Variants in HIGD1C observed in about 807,000 individuals in gnomAD.
The protein encoded by HIGD1C is HIG1 hypoxia inducible domain family member 1C, also known as HIG1 domain family member 1C.
Under a neutral mutation model 13.1 loss-of-function variants are expected in HIGD1C, and 11 were observed. The observed-to-expected ratio is 0.84, with a 90% CI of 0.53 to 1.39. The LOEUF is 1.39. Ranked by LOEUF, HIGD1C falls within the 40% of genes most tolerant of loss-of-function variation. The probability of loss-of-function intolerance (pLI) is 0.00; values close to 1 mark genes in which losing one functional copy is unlikely to be tolerated. For synonymous variants in HIGD1C, 36 were observed against 37.7 expected (o/e 0.95, Z 0.17); for missense variants, 110 against 112.0 (o/e 0.98, Z 0.08).
the HIGD1C span, among the ~76,000 whole-genome samples, chr12:50,945,040 ATCATGCTAAAAAC>A: frequency 7.2e-5 from 11 of 152,160 alleles, no homozygotes; most frequent in African/African-American, 2.7e-4. Context: ...TCAACAGCCC[ATCATGCTAAAAAC>A]TCTCAAACTA....
At chr12:50,948,316 A>G in the HIGD1C span, among the ~76,000 whole-genome samples, 1 of 152,054 alleles carries the variant, frequency 6.6e-6, no homozygotes, top group Non-Finnish European at 1.5e-5. Context: ...AATTTCACTC[A>G]TAATACAAGA....
chr12:50,969,595 A>G (rs1395298019), intron 2 of HIGD1C, among the ~76,000 whole-genome samples: 6 of 150,478 alleles, frequency 4.0e-5, no homozygotes, highest in Non-Finnish European at 8.9e-5. Flanking sequence ...GCTACTTGGG[A>G]GGCTGAGGCA....
At chr12:50,940,743 A>T in the HIGD1C span, among the ~76,000 whole-genome samples, 2 of 151,188 alleles carry the variant, frequency 1.3e-5, no homozygotes, top group Non-Finnish European at 1.5e-5. Context: ...AAAAGACTGC[A>T]ATATTAAAAT....
At chr12:50,945,293 C>T in the HIGD1C span, among the ~76,000 whole-genome samples, 29 of 152,134 alleles carry the variant, frequency 1.9e-4, no homozygotes, top group Non-Finnish European at 1.9e-4. Context: ...GAAGTCAAAT[C>T]GTCCCTGTTT....
intron 2 of HIGD1C, among the ~76,000 whole-genome samples, chr12:50,968,102 A>AAGG (rs35382142): frequency 1.0e-3 from 148 of 147,352 alleles, no homozygotes; most frequent in African/African-American, 1.1e-3. Flanking sequence ...TAAGAAGAAG[A>AAGG]AGGAGGAGGA....
chr12:50,947,035 A>T, the HIGD1C span, among the ~76,000 whole-genome samples: 2 of 152,146 alleles, frequency 1.3e-5, no homozygotes, highest in Non-Finnish European at 2.9e-5. Flanking sequence ...CCATTCTCTC[A>T]TGGGTCTTTC....
At chr12:50,968,543 T>C (rs369120592) in intron 2 of HIGD1C, among the ~76,000 whole-genome samples, 1 of 151,730 alleles carries the variant, frequency 6.6e-6, no homozygotes, top group Admixed American at 6.6e-5. Context: ...TGTGCCACCA[T>C]GCCCAGCTAA....
At chr12:50,966,037 T>G (rs189246275) in intron 2 of HIGD1C, among the ~76,000 whole-genome samples, 1 of 150,224 alleles carries the variant, frequency 6.7e-6, no homozygotes, top group African/African-American at 2.5e-5. Context: ...CCATAATCAG[T>G]TAGCCAATGC....
At chr12:50,932,717 T>A in the HIGD1C span, among the ~76,000 whole-genome samples, 1 of 152,226 alleles carries the variant, frequency 6.6e-6, no homozygotes, top group East Asian at 1.9e-4. Context: ...CATGTGATCA[T>A]GTTTGGCTAC....
At chr12:50,957,089 ATTC>A (rs1050502506) in intron 1 of HIGD1C, among the ~76,000 whole-genome samples, 3 of 151,948 alleles carry the variant, frequency 2.0e-5, no homozygotes, top group Admixed American at 6.6e-5. Context: ...TGATTTACTG[ATTC>A]TTATTTCCAT....
At chr12:50,968,748 G>A (rs1939644854) in intron 2 of HIGD1C, among the ~76,000 whole-genome samples, 1 of 151,742 alleles carries the variant, frequency 6.6e-6, no homozygotes, top group Non-Finnish European at 1.5e-5. Context: ...CGCCATGTTG[G>A]TCAGGCTGGT....
At chr12:50,935,218 T>C in the HIGD1C span, 1 of 152,186 alleles carries the variant, frequency 6.6e-6, no homozygotes, top group African/African-American at 2.4e-5. Flanking sequence ...CTGTTCAGTA[T>C]CACTTTAACT....
At chr12:50,947,180 G>C in the HIGD1C span, among the ~76,000 whole-genome samples, 1 of 152,138 alleles carries the variant, frequency 6.6e-6, no homozygotes, top group Non-Finnish European at 1.5e-5. Context: ...GGAGCAGACT[G>C]ACTACACAGA....
intron 2 of HIGD1C, among the ~76,000 whole-genome samples, chr12:50,965,929 G>T (rs1043924593): frequency 1.3e-5 from 2 of 152,194 alleles, no homozygotes; most frequent in Admixed American, 6.5e-5. Context: ...AATTGGTCAA[G>T]GAGCCCTGGC....
At chr12:50,944,294 T>A in the HIGD1C span, among the ~76,000 whole-genome samples, 7 of 152,302 alleles carry the variant, frequency 4.6e-5, no homozygotes, top group South Asian at 2.1e-4. Context: ...CTTCAGGAAT[T>A]CCTTCCCCTA....
intron 1 of HIGD1C, 155 bp downstream of exon 3, chr12:50,954,247 C>T: frequency 1.0e-5 from 5 of 502,082 alleles, no homozygotes; most frequent in Admixed American, 3.6e-5. Context: ...CAGAATAGTT[C>T]CTAATACATG....
At chr12:50,935,841 G>A in the HIGD1C span, among the ~76,000 whole-genome samples, 2 of 152,236 alleles carry the variant, frequency 1.3e-5, no homozygotes, top group African/African-American at 4.8e-5. Flanking sequence ...ACTTGAGGCT[G>A]CATGTTTCTC....
At chr12:50,946,878 T>C in the HIGD1C span, among the ~76,000 whole-genome samples, 1 of 152,148 alleles carries the variant, frequency 6.6e-6, no homozygotes, top group Admixed American at 6.5e-5. Context: ...CTGCATGTTG[T>C]GCACATGTAC....
upstream of HIGD1C, among the ~76,000 whole-genome samples, chr12:50,952,348 C>T (rs773433753): frequency 4.6e-5 from 7 of 152,230 alleles, no homozygotes; most frequent in Middle Eastern, 0.01. Context: ...TTGTACTATT[C>T]TGGGGACTTT....
Sources: allele counts gnomAD v4.1 joint callset (sites outside exome capture counted in the v4.1 genomes callset), GRCh38; gene constraint gnomAD v4.1.1; transcripts MANE v1.5; gene names NCBI Gene and HGNC (gene_info 2026-07-23, HGNC 2026-07-21).